Variants in ITSN2 observed in about 807,000 individuals in gnomAD.
The protein encoded by ITSN2 is intersectin-2.
A neutral mutation model predicts 243.7 loss-of-function variants in ITSN2; 156 were observed. The observed-to-expected ratio is 0.64, with a 90% confidence interval of 0.56 to 0.73. The LOEUF (loss-of-function observed/expected upper bound fraction) is 0.73. ITSN2 is among the 30% of genes least tolerant of loss of function. The pLI, the probability that ITSN2 is intolerant of heterozygous loss-of-function variation, is 0.00. For missense variants in ITSN2, 1,801 were observed against 1,996.1 expected (o/e 0.90, Z 1.86); for synonymous variants, 703 against 699.9 (o/e 1.00, Z -0.07).
rs185234442 is a variant in ITSN2, at chr2:24,305,329, C to T, written c.794-1467G>A. Among the ~76,000 whole-genome samples the T allele has an allele frequency of 5.3e-5, 8 of 152,212 alleles. No individual in the cohort carries two copies. The East Asian group carries it at 5.8e-4, about 11-fold the overall frequency. On this transcript the variant is annotated intron_variant, in intron 8 of 39. Coordinates refer to ENST00000355123, the MANE Select transcript of ITSN2 (RefSeq NM_006277.3). ...GGAAAAACAGACCAGTGGACAGGCG[C>T]GGTAGCTCACGTCTGTAATCCCAGA...
At chr2:24,254,875 T>C (rs1674815392) in intron 23 of ITSN2, among the ~76,000 whole-genome samples, 1 of 152,202 alleles carries the variant, frequency 6.6e-6, no homozygotes, top group African/African-American at 2.4e-5. Context: ...AGAACAGCTA[T>C]AACATTAATT....
chr2:24,295,568 C>T (rs1680850665), intron 14 of ITSN2, 96 bp downstream of exon 14: 1 of 977,536 alleles, frequency 1.0e-6, no homozygotes, highest in Non-Finnish European at 1.4e-6. Context: ...CTCAGCCTCC[C>T]AAAGTGCTAG....
chr2:24,309,047 G>C (rs1022679067), intron 7 of ITSN2: 1 of 289,018 alleles, frequency 3.5e-6, no homozygotes, highest in Non-Finnish European at 7.7e-6. Flanking sequence ...CTCCCTTTGA[G>C]AATCTAATGC....
chr2:24,358,408 G>A (rs1415385064), intron 1 of ITSN2, among the ~76,000 whole-genome samples: 1 of 152,192 alleles, frequency 6.6e-6, no homozygotes, highest in African/African-American at 2.4e-5. Flanking sequence ...GCCTTAGTGA[G>A]CTTTAAATGA....
intron 8 of ITSN2, among the ~76,000 whole-genome samples, chr2:24,307,178 A>G (rs1682661945): frequency 6.6e-6 from 1 of 152,222 alleles, no homozygotes; most frequent in African/African-American, 2.4e-5. Context: ...TTATGACTTT[A>G]TATTAATCTC....
chr2:24,275,532 C>T (rs1677904332), intron 18 of ITSN2, among the ~76,000 whole-genome samples, 181 bp downstream of exon 18: 1 of 152,174 alleles, frequency 6.6e-6, no homozygotes, highest in Admixed American at 6.5e-5. Context: ...TTATTTTTCA[C>T]TAGTAGAAAA....
intron 38 of ITSN2, 53 bp downstream of exon 38, chr2:24,205,161 A>C: frequency 6.7e-7 from 1 of 1,502,208 alleles, no homozygotes; most frequent in South Asian, 1.1e-5. Context: ...AGTCATCAGC[A>C]AAAACTGGGG....
At chr2:24,248,513 T>C in intron 27 of ITSN2, 116 bp downstream of exon 27, 1 of 715,916 alleles carries the variant, frequency 1.4e-6, no homozygotes, top group African/African-American at 1.8e-5. Context: ...TGATATTGAT[T>C]ACCTCTAAGT....
At chr2:24,223,867 GAAAGAAAAAAAA>G (rs1282894291) in intron 29 of ITSN2, among the ~76,000 whole-genome samples, 2 of 44,014 alleles carry the variant, frequency 4.5e-5, no homozygotes, top group African/African-American at 1.0e-4. Flanking sequence ...AGAAAGGAAA[GAAAGAAAAAAAA>G]GAAAGAAGAA....
intron 1 of ITSN2, among the ~76,000 whole-genome samples, chr2:24,353,055 CAAGAA>C (rs1574411921): frequency 6.6e-6 from 1 of 151,928 alleles, no homozygotes; most frequent in Non-Finnish European, 1.5e-5. Flanking sequence ...TGAAGCCATA[CAAGAA>C]AACAAAAGAA....
intron 14 of ITSN2, among the ~76,000 whole-genome samples, chr2:24,294,066 C>T (rs1680627235): frequency 6.6e-6 from 1 of 152,134 alleles, no homozygotes; most frequent in South Asian, 2.1e-4. Flanking sequence ...TGAATGACAG[C>T]AGACCTGCGC....
At chr2:24,340,169 T>G (rs1046656057) in intron 1 of ITSN2, among the ~76,000 whole-genome samples, 6 of 152,116 alleles carry the variant, frequency 3.9e-5, no homozygotes, top group African/African-American at 1.4e-4. Context: ...AGAGCCAGTA[T>G]TTAAAACACA....
chr2:24,251,325 T>TAAAAAAAAAAAA (rs1165033997), intron 25 of ITSN2, among the ~76,000 whole-genome samples: 1 of 3,402 alleles, frequency 2.9e-4, no homozygotes, highest in South Asian at 7.0e-3. Context: ...AAAAAAAAAA[T>TAAAAAAAAAAAA]AAAATATATA....
At chr2:24,297,227 A>G (rs141159873) in intron 13 of ITSN2, among the ~76,000 whole-genome samples, 4 of 152,230 alleles carry the variant, frequency 2.6e-5, no homozygotes, top group African/African-American at 9.6e-5. Flanking sequence ...CATCAACCAA[A>G]TAAAATGTTA....
intron 29 of ITSN2, among the ~76,000 whole-genome samples, chr2:24,232,631 G>C (rs559614387): frequency 4.6e-5 from 7 of 152,294 alleles, no homozygotes; most frequent in African/African-American, 1.7e-4. Flanking sequence ...ACCAATATGT[G>C]TATGATGATT....
chr2:24,298,518 A>G, intron 13 of ITSN2, 147 bp downstream of exon 13: 1 of 649,680 alleles, frequency 1.5e-6, no homozygotes, highest in Non-Finnish European at 2.5e-6. Flanking sequence ...GCTGGTTTCA[A>G]ACTCCTGCCC....
At chr2:24,271,714 A>AT in intron 19 of ITSN2, 52 bp downstream of exon 19, 2 of 1,459,622 alleles carry the variant, frequency 1.4e-6, no homozygotes, top group Non-Finnish European at 9.0e-7. Context: ...TTATCAGGTC[A>AT]TTTTTTTCTT....
intron 10 of ITSN2, 123 bp from the exon 11 acceptor site, chr2:24,301,362 C>G (rs1681708718): frequency 1.9e-6 from 1 of 519,578 alleles, no homozygotes; most frequent in African/African-American, 1.9e-5. Context: ...ATATTTAAAA[C>G]AGTTTGGTAT....
Position 24,204,578 on chromosome 2 carries a change from A to G in ITSN2, c.4763-160T>C. 1 of 708,608 alleles carries G rather than the reference A, an allele frequency of 1.4e-6. No homozygotes were observed. The highest frequency in any genetic ancestry group is 2.5e-6 in the Non-Finnish European group (1 of 392,212). The allele number at this position is 708,608 out of a possible 1,614,324, so 43.9% of individuals were successfully genotyped here. On this transcript the variant is annotated intron_variant, in intron 38 of 39. Coordinates refer to ENST00000355123, the MANE Select transcript of ITSN2 (RefSeq NM_006277.3). The surrounding 1 kb of genome is among the most constrained non-coding windows in gnomAD (Gnocchi z 5.1). ...GGCACCATATCCCTGTGGTCTAGTA[A>G]CAGGGTCTCCAAGTTCCCAGTGCTG...
Sources: allele counts gnomAD v4.1 joint callset (sites outside exome capture counted in the v4.1 genomes callset), GRCh38; gene constraint gnomAD v4.1.1; non-coding constraint Gnocchi (gnomAD v3.1); transcripts MANE v1.5; gene names NCBI Gene and HGNC (gene_info 2026-07-23, HGNC 2026-07-21).